ERG: variants seen among roughly 807,000 people sequenced by gnomAD.
ERG encodes transcriptional regulator ERG.
ERG carries 9 observed loss-of-function variants against 55.3 expected under a neutral mutation model. That is an observed-to-expected ratio of 0.16 (90% CI 0.10 to 0.28). The LOEUF (loss-of-function observed/expected upper bound fraction) is 0.28. Among genes scored for constraint, ERG ranks in the 10% least tolerant of loss-of-function variants. The pLI is 1.00. For missense variants in ERG, 434 were observed against 631.6 expected, an observed-to-expected ratio of 0.69 and a Z score of 3.35; for synonymous variants, 223 against 237.3, an observed-to-expected ratio of 0.94 and a Z score of 0.55.
chr21:38,543,455 T>G (rs1433154195), intron 2 of ERG, among the ~76,000 whole-genome samples: 1 of 152,018 alleles, frequency 6.6e-6, no homozygotes, highest in African/African-American at 2.4e-5. Context: ...TTATATTATA[T>G]AGTTTTCTGT....
intron 1 of ERG, among the ~76,000 whole-genome samples, chr21:38,497,077 G>A (rs1334477946): frequency 2.0e-5 from 3 of 152,138 alleles, no homozygotes; most frequent in Admixed American, 6.5e-5. Flanking sequence ...TCCAATCCTT[G>A]AAGCCAAAGA....
At chr21:38,430,709 A>G (rs1159321803) in intron 2 of ERG, among the ~76,000 whole-genome samples, 1 of 152,234 alleles carries the variant, frequency 6.6e-6, no homozygotes, top group Non-Finnish European at 1.5e-5. Context: ...TGGCTGGGAT[A>G]TTAAAAAGCC....
intron 2 of ERG, among the ~76,000 whole-genome samples, chr21:38,518,694 A>G (rs1048228047): frequency 7.2e-5 from 11 of 152,170 alleles, no homozygotes; most frequent in Non-Finnish European, 1.6e-4. Flanking sequence ...AACATAATAT[A>G]GAAAACTATA....
chr21:38,558,940 C>A (rs1379316810), intron 2 of ERG, among the ~76,000 whole-genome samples: 1 of 152,068 alleles, frequency 6.6e-6, no homozygotes, highest in Non-Finnish European at 1.5e-5. Context: ...TTAAAAGTAC[C>A]AACTACATAA....
intron 1 of ERG, among the ~76,000 whole-genome samples, chr21:38,619,926 G>A (rs1428266125): frequency 6.6e-6 from 1 of 152,224 alleles, no homozygotes; most frequent in East Asian, 1.9e-4. Flanking sequence ...GAAGATACTT[G>A]ACAAAGTCTG....
At chr21:38,388,790 G>A (rs767882666) in intron 9 of ERG, among the ~76,000 whole-genome samples, 6 of 152,094 alleles carry the variant, frequency 3.9e-5, no homozygotes, top group African/African-American at 2.4e-5. Flanking sequence ...ATGAGTTTCC[G>A]GTCTCCTTGC....
At chr21:38,654,941 A>C (rs2060510249) in intron 1 of ERG, among the ~76,000 whole-genome samples, 1 of 149,328 alleles carries the variant, frequency 6.7e-6, no homozygotes, top group Non-Finnish European at 1.5e-5. Context: ...ATGAAATCTT[A>C]GAATGTTTCT....
intron 2 of ERG, among the ~76,000 whole-genome samples, chr21:38,563,105 G>T (rs1414750435): frequency 6.6e-6 from 1 of 152,206 alleles, no homozygotes; most frequent in South Asian, 2.1e-4. Context: ...ATCAGTGGTT[G>T]TCAGGGCCTA....
chr21:38,389,421 T>G (rs190532523), intron 9 of ERG, among the ~76,000 whole-genome samples: 68 of 152,246 alleles, frequency 4.5e-4, no homozygotes, highest in Middle Eastern at 3.4e-3. Context: ...TTCACATGAT[T>G]GTATTAACAT....
At chr21:38,394,320 G>A (rs1268913154) in intron 6 of ERG, among the ~76,000 whole-genome samples, 1 of 151,890 alleles carries the variant, frequency 6.6e-6, no homozygotes, top group Non-Finnish European at 1.5e-5. Context: ...TCTTACCCCA[G>A]ACCTACTGCA....
At chr21:38,406,697 G>A (rs1416113501) in intron 3 of ERG, among the ~76,000 whole-genome samples, 2 of 151,924 alleles carry the variant, frequency 1.3e-5, no homozygotes, top group African/African-American at 4.8e-5. Flanking sequence ...CTAGAAATAA[G>A]TTCATTCTGG....
chr21:38,528,303 T>C (rs1021553835), intron 2 of ERG, among the ~76,000 whole-genome samples: 1 of 152,164 alleles, frequency 6.6e-6, no homozygotes, highest in African/African-American at 2.4e-5. Context: ...TAGCCAGGCA[T>C]GGTGGTGGGC....
intron 2 of ERG, among the ~76,000 whole-genome samples, chr21:38,558,059 T>TG (rs36111453): frequency 0.031 from 4,724 of 151,374 alleles, 247 homozygotes; most frequent in African/African-American, 0.11. Flanking sequence ...TGCTAAGTTT[T>TG]GGGGGGGGGT....
chr21:38,418,113 T>A (rs571619727), intron 3 of ERG, among the ~76,000 whole-genome samples: 1 of 152,326 alleles, frequency 6.6e-6, no homozygotes, highest in East Asian at 1.9e-4. Context: ...ATAAACCATA[T>A]CTTTATTAAA....
intron 1 of ERG, among the ~76,000 whole-genome samples, chr21:38,577,148 C>T (rs1402371236): frequency 6.6e-6 from 1 of 152,164 alleles, no homozygotes; most frequent in African/African-American, 2.4e-5. Flanking sequence ...GGCTGTCTTT[C>T]AAATTTGCTA....
At chr21:38,374,805 C>T in the ERG span, among the ~76,000 whole-genome samples, 1 of 152,102 alleles carries the variant, frequency 6.6e-6, no homozygotes, top group African/African-American at 2.4e-5. Flanking sequence ...AAAAAATGAA[C>T]GTTGTACTTG....
At chr21:38,603,055 A>C (rs1449993789) in intron 1 of ERG, among the ~76,000 whole-genome samples, 1 of 151,852 alleles carries the variant, frequency 6.6e-6, no homozygotes, top group Admixed American at 6.5e-5. Context: ...AATGTTCAAA[A>C]TCCTGTCCAG....
chr21:38,527,730 G>T (rs1047060032), intron 2 of ERG, among the ~76,000 whole-genome samples: 2 of 152,208 alleles, frequency 1.3e-5, no homozygotes, highest in Admixed American at 1.3e-4. Context: ...GAGTGGCCTT[G>T]CCCTGAGAAG....
intron 1 of ERG, among the ~76,000 whole-genome samples, chr21:38,482,376 C>T (rs893484188): frequency 2.0e-5 from 3 of 152,026 alleles, no homozygotes; most frequent in African/African-American, 7.2e-5. Context: ...TAAGTGTTGG[C>T]GAGAATGTGA....
Sources: gnomAD v4.1 joint callset for allele counts (sites outside exome capture counted in the v4.1 genomes callset) on GRCh38, gnomAD v4.1.1 for gene constraint, MANE v1.5 for transcripts, NCBI Gene and HGNC (gene_info 2026-07-23, HGNC 2026-07-21) for gene names.